Variants in DOCK4 observed in about 807,000 individuals in gnomAD.
The protein encoded by DOCK4 is dedicator of cytokinesis 4.
A neutral mutation model predicts 268.1 loss-of-function variants in DOCK4; 97 were observed. The ratio of observed to expected loss-of-function variants is 0.36; its 90% confidence interval spans 0.31 to 0.43. The LOEUF (loss-of-function observed/expected upper bound fraction) is 0.43, where lower values mean the gene tolerates loss of function less well. Among genes scored for constraint, DOCK4 ranks in the 20% least tolerant of loss-of-function variants. The pLI, the probability that DOCK4 is intolerant of heterozygous loss-of-function variation, is 1.00. For missense variants in DOCK4, 2,145 were observed against 2,455.7 expected (o/e 0.87, Z 2.67); for synonymous variants, 954 against 887.2 (o/e 1.08, Z -1.34).
At chr7:112,053,470 G>C (rs762171075) in intron 1 of DOCK4, among the ~76,000 whole-genome samples, 4 of 152,088 alleles carry the variant, frequency 2.6e-5, no homozygotes, top group Non-Finnish European at 5.9e-5. Context: ...CTACTTCTCA[G>C]AAGTCCAAGA....
intron 42 of DOCK4, among the ~76,000 whole-genome samples, chr7:111,753,069 CAT>C (rs1338609444): frequency 6.7e-6 from 1 of 149,506 alleles, no homozygotes; most frequent in African/African-American, 2.5e-5. Flanking sequence ...TTTGGTGCCA[CAT>C]GTTTCAGAAT....
At chr7:112,066,078 T>C (rs900215978) in intron 1 of DOCK4, among the ~76,000 whole-genome samples, 1 of 152,094 alleles carries the variant, frequency 6.6e-6, no homozygotes, top group African/African-American at 2.4e-5. Context: ...CTTGACTGGA[T>C]TAAGGGACAC....
Position 111,988,238 on chromosome 7 carries a change from G to A in DOCK4, c.464+777C>T, listed in dbSNP as rs572714249. On this transcript the variant is annotated intron_variant, in intron 6 of 52. Coordinates refer to ENST00000428084, the MANE Select transcript of DOCK4 (RefSeq NM_001363540.2). ...AGAAAGGAAAGGAAGGGAGGATAGGGCCATGTGGGTTATTAAGGAACCATG... is the reference window on the plus strand; with the variant it reads ...AGAAAGGAAAGGAAGGGAGGATAGGACCATGTGGGTTATTAAGGAACCATG... Among the ~76,000 whole-genome samples the A allele has an allele frequency of 5.9e-5, 9 of 152,250 alleles. No homozygotes were observed. The South Asian group carries it at 1.2e-3, about 21-fold the overall frequency.
chr7:111,729,298 G>A (rs543519808), intron 52 of DOCK4, among the ~76,000 whole-genome samples: 19 of 152,298 alleles, frequency 1.2e-4, no homozygotes, highest in South Asian at 1.2e-3. Flanking sequence ...GGTGGCTCAC[G>A]CCTGTAATCC....
intron 1 of DOCK4, among the ~76,000 whole-genome samples, chr7:112,185,604 TAA>T (rs879681920): frequency 2.0e-4 from 28 of 142,978 alleles, no homozygotes; most frequent in Admixed American, 2.8e-4. Context: ...CACCCTCAGT[TAA>T]AAAAAAAAAA....
intron 13 of DOCK4, among the ~76,000 whole-genome samples, chr7:111,906,939 C>T (rs181390451): frequency 2.0e-5 from 3 of 152,202 alleles, no homozygotes; most frequent in East Asian, 1.9e-4. Context: ...AACTGTAACA[C>T]GGTAAATGTA....
At chr7:111,829,563 C>A (rs1264605094) in intron 26 of DOCK4, among the ~76,000 whole-genome samples, 1 of 152,104 alleles carries the variant, frequency 6.6e-6, no homozygotes, top group African/African-American at 2.4e-5. Context: ...ATTTAGATGA[C>A]CTTAACAACA....
At chr7:112,052,779 C>T (rs1805477067) in intron 1 of DOCK4, among the ~76,000 whole-genome samples, 1 of 152,110 alleles carries the variant, frequency 6.6e-6, no homozygotes. Context: ...GCATTTATTT[C>T]ACACTCCTCT....
At chr7:112,094,209 G>A (rs1443170242) in intron 1 of DOCK4, among the ~76,000 whole-genome samples, 1 of 141,572 alleles carries the variant, frequency 7.1e-6, no homozygotes, top group Admixed American at 7.0e-5. Flanking sequence ...TGAATTAACA[G>A]TCATCACAAG....
intron 6 of DOCK4, among the ~76,000 whole-genome samples, chr7:111,987,588 C>T (rs1463623281): frequency 6.6e-6 from 1 of 152,190 alleles, no homozygotes; most frequent in Non-Finnish European, 1.5e-5. Flanking sequence ...GAAATTCATT[C>T]CCACGGCAGG....
At chr7:111,994,500 GT>G (rs1415753415) in intron 4 of DOCK4, among the ~76,000 whole-genome samples, 1 of 152,160 alleles carries the variant, frequency 6.6e-6, no homozygotes, top group African/African-American at 2.4e-5. Flanking sequence ...TCCAGTACCA[GT>G]TCACGACTAG....
intron 42 of DOCK4, among the ~76,000 whole-genome samples, chr7:111,749,921 A>G (rs1796520139): frequency 6.6e-6 from 1 of 152,244 alleles, no homozygotes; most frequent in Non-Finnish European, 1.5e-5. Flanking sequence ...TGAGCCATGA[A>G]TCAGTGGTTA....
At chr7:111,940,026 C>T in intron 11 of DOCK4, 84 bp downstream of exon 11, 3 of 1,401,114 alleles carry the variant, frequency 2.1e-6, no homozygotes, top group Non-Finnish European at 3.0e-6. Flanking sequence ...TTCTTCTCTA[C>T]CCACCTAAAG....
At chr7:112,088,984 A>G (rs1809373284) in intron 1 of DOCK4, among the ~76,000 whole-genome samples, 1 of 152,208 alleles carries the variant, frequency 6.6e-6, no homozygotes, top group Admixed American at 6.5e-5. Flanking sequence ...TTGTCAACGT[A>G]AAAGACACAC....
intron 1 of DOCK4, among the ~76,000 whole-genome samples, chr7:112,075,717 A>G (rs547427128): frequency 1.1e-4 from 17 of 152,302 alleles, no homozygotes; most frequent in Admixed American, 2.0e-4. Flanking sequence ...TGCCATTCAC[A>G]TGCATAGTCA....
At chr7:111,853,997 G>C (rs1396169230) in intron 23 of DOCK4, among the ~76,000 whole-genome samples, 1 of 151,582 alleles carries the variant, frequency 6.6e-6, no homozygotes, top group Non-Finnish European at 1.5e-5. Flanking sequence ...GCAGTGGCAT[G>C]ATCTCGGCTC....
At chr7:111,747,879 C>T (rs936850717) in intron 42 of DOCK4, among the ~76,000 whole-genome samples, 6 of 152,052 alleles carry the variant, frequency 3.9e-5, no homozygotes, top group Non-Finnish European at 8.8e-5. Context: ...CCTCTGATGT[C>T]AAGGAGCTTT....
chr7:112,163,117 G>A (rs927150914), intron 1 of DOCK4, among the ~76,000 whole-genome samples: 1 of 152,190 alleles, frequency 6.6e-6, no homozygotes, highest in African/African-American at 2.4e-5. Flanking sequence ...TTAAGACACG[G>A]CAAGCTAGTT....
At chr7:111,829,394 G>T (rs974492561) in intron 26 of DOCK4, among the ~76,000 whole-genome samples, 1 of 152,126 alleles carries the variant, frequency 6.6e-6, no homozygotes, top group Non-Finnish European at 1.5e-5. Flanking sequence ...AACAATAATA[G>T]CATCAGTCAA....
Sources: allele counts gnomAD v4.1 joint callset (sites outside exome capture counted in the v4.1 genomes callset), GRCh38; gene constraint gnomAD v4.1.1; transcripts MANE v1.5; gene names NCBI Gene and HGNC (gene_info 2026-07-23, HGNC 2026-07-21).